PCDH9: variants seen among roughly 807,000 people sequenced by gnomAD.
PCDH9 encodes the protein protocadherin 9.
A neutral mutation model predicts 70.6 loss-of-function variants in PCDH9; 24 were observed. The observed-to-expected ratio is 0.34, with a 90% CI of 0.25 to 0.48. The LOEUF (loss-of-function observed/expected upper bound fraction) is 0.48. PCDH9 is among the 20% of genes least tolerant of loss of function. PCDH9 has a pLI of 0.99. For missense variants in PCDH9, 1,281 were observed against 1,503.6 expected (o/e 0.85, Z 2.45); for synonymous variants, 562 against 558.5 (o/e 1.01, Z -0.09).
At chr13:66,967,300 G>A (rs1283155895) in intron 2 of PCDH9, among the ~76,000 whole-genome samples, 1 of 151,996 alleles carries the variant, frequency 6.6e-6, no homozygotes, top group Admixed American at 6.6e-5. Context: ...AATTAATCCA[G>A]TTGTTTAAAG....
At chr13:66,457,251 C>T (rs1958335326) in intron 4 of PCDH9, among the ~76,000 whole-genome samples, 1 of 152,028 alleles carries the variant, frequency 6.6e-6, no homozygotes, top group Non-Finnish European at 1.5e-5. Context: ...GCATCTCCAG[C>T]TTTCCTAAAA....
intron 4 of PCDH9, among the ~76,000 whole-genome samples, chr13:66,511,244 AGTT>A (rs1959454677): frequency 6.6e-6 from 1 of 152,182 alleles, no homozygotes; most frequent in African/African-American, 2.4e-5. Flanking sequence ...TTTGCATTAT[AGTT>A]GTTATTAATA....
At chr13:66,774,625 C>A (rs1371152140) in intron 3 of PCDH9, among the ~76,000 whole-genome samples, 1 of 152,120 alleles carries the variant, frequency 6.6e-6, no homozygotes. Flanking sequence ...TCAAGGTACC[C>A]ACATTTGGGC....
intron 3 of PCDH9, among the ~76,000 whole-genome samples, chr13:66,661,153 C>T (rs2078003476): frequency 6.6e-6 from 1 of 152,128 alleles, no homozygotes; most frequent in South Asian, 2.1e-4. Context: ...ATTATGCTGC[C>T]ATTTCCTGTT....
intron 4 of PCDH9, among the ~76,000 whole-genome samples, chr13:66,495,466 G>C (rs914165524): frequency 1.3e-5 from 2 of 152,156 alleles, no homozygotes; most frequent in Admixed American, 1.3e-4. Context: ...AGGCGAGATG[G>C]GGACTAGGAA....
At chr13:66,754,100 G>A (rs1381387475) in intron 3 of PCDH9, among the ~76,000 whole-genome samples, 2 of 148,712 alleles carry the variant, frequency 1.3e-5, no homozygotes, top group East Asian at 3.9e-4. Context: ...TATTCTCTTT[G>A]TTCTAAGAGG....
chr13:66,988,303 T>C (rs752215107), intron 2 of PCDH9, among the ~76,000 whole-genome samples: 5 of 152,078 alleles, frequency 3.3e-5, no homozygotes, highest in Admixed American at 6.6e-5. Context: ...AGGTAATCTT[T>C]TAACACGTAG....
chr13:66,693,913 T>C (rs1364967747), intron 3 of PCDH9, among the ~76,000 whole-genome samples: 1 of 152,144 alleles, frequency 6.6e-6, no homozygotes, highest in African/African-American at 2.4e-5. Flanking sequence ...TTACAAGTCT[T>C]CAGCTACACA....
intron 2 of PCDH9, among the ~76,000 whole-genome samples, chr13:67,050,493 A>G (rs2085300906): frequency 6.6e-6 from 1 of 152,198 alleles, no homozygotes; most frequent in Admixed American, 6.5e-5. Context: ...TGGCATGCTC[A>G]TGTTAATTAA....
intron 4 of PCDH9, among the ~76,000 whole-genome samples, chr13:66,621,161 A>G (rs768373814): frequency 1.3e-5 from 2 of 152,310 alleles, no homozygotes; most frequent in African/African-American, 2.4e-5. Context: ...TGTCACCTTG[A>G]GTGTAGGCAA....
chr13:66,520,652 T>G (rs560163668), intron 4 of PCDH9, among the ~76,000 whole-genome samples: 1 of 152,336 alleles, frequency 6.6e-6, no homozygotes, highest in East Asian at 1.9e-4. Context: ...ATTCACAGGA[T>G]GAATTCTTAA....
intron 2 of PCDH9, among the ~76,000 whole-genome samples, chr13:67,000,648 A>C (rs929151353): frequency 6.6e-6 from 1 of 152,138 alleles, no homozygotes; most frequent in Non-Finnish European, 1.5e-5. Flanking sequence ...GGAATAGGTA[A>C]CTTGACATCA....
rs145745002 is a variant in PCDH9 at position 66,726,634 on chromosome 13, A to G, written c.3139-95223T>C. On this transcript the variant is annotated intron_variant, in intron 3 of 4. Coordinates refer to ENST00000377865, the MANE Select transcript of PCDH9 (RefSeq NM_203487.3). ...CACTTATTCCCCAAATTACCTCCAA[A>G]TAATCTTGCAATGCTTGAAGTAGCT... Among the ~76,000 whole-genome samples, 1,059 of 152,258 alleles carry G rather than the reference A, an allele frequency of 7.0e-3. 42 individuals are homozygous for G. Among genetic ancestry groups the G allele is most frequent in the Admixed American group, 0.063 (956 of 15,280 alleles).
At chr13:66,724,695 C>G (rs1331029135) in intron 3 of PCDH9, among the ~76,000 whole-genome samples, 3 of 152,130 alleles carry the variant, frequency 2.0e-5, no homozygotes, top group Admixed American at 2.0e-4. Context: ...ACAGAGAGAG[C>G]CAAATAACCT....
chr13:66,766,447 C>T (rs552130354), intron 3 of PCDH9, among the ~76,000 whole-genome samples: 15 of 152,070 alleles, frequency 9.9e-5, no homozygotes, highest in African/African-American at 3.1e-4. Context: ...ATACAAGATC[C>T]CACTTGAGAC....
At chr13:66,818,603 GC>G (rs1383531543) in intron 3 of PCDH9, among the ~76,000 whole-genome samples, 14 of 152,130 alleles carry the variant, frequency 9.2e-5, no homozygotes, top group Non-Finnish European at 1.6e-4. Flanking sequence ...TCCTGGTCAA[GC>G]CAGAAATATA....
intron 4 of PCDH9, among the ~76,000 whole-genome samples, chr13:66,473,183 T>C (rs894943378): frequency 1.3e-5 from 2 of 152,066 alleles, no homozygotes; most frequent in African/African-American, 4.8e-5. Flanking sequence ...AGAAATAATA[T>C]ATTTTATGAT....
At chr13:66,822,072 G>A (rs147937687) in intron 3 of PCDH9, among the ~76,000 whole-genome samples, 5 of 151,850 alleles carry the variant, frequency 3.3e-5, no homozygotes, top group Non-Finnish European at 5.9e-5. Flanking sequence ...CAGCTCAGTA[G>A]TCCCTTGACT....
chr13:67,109,827 A>G (rs1011435457), intron 2 of PCDH9, among the ~76,000 whole-genome samples: 1 of 151,834 alleles, frequency 6.6e-6, no homozygotes, highest in Non-Finnish European at 1.5e-5. Context: ...TGAAGCTTTG[A>G]TTTTTCTTTA....
Sources: gnomAD v4.1 joint callset for allele counts (sites outside exome capture counted in the v4.1 genomes callset) on GRCh38, gnomAD v4.1.1 for gene constraint, MANE v1.5 for transcripts, NCBI Gene and HGNC (gene_info 2026-07-23, HGNC 2026-07-21) for gene names.